The following DACH2 variants were observed in gnomAD, a reference collection of about 807,000 sequenced individuals.
The protein encoded by DACH2 is dachshund homolog 2.
Under a neutral mutation model 35.8 loss-of-function variants are expected in DACH2, and 17 were observed. The ratio of observed to expected loss-of-function variants is 0.48; its 90% CI spans 0.33 to 0.71. The LOEUF is 0.71. Ranked by LOEUF, DACH2 falls within the 30% of genes least tolerant of loss-of-function variation. The pLI is 0.02. For missense variants in DACH2, 469 were observed against 472.7 expected (o/e 0.99, Z 0.07); for synonymous variants, 195 against 177.3 (o/e 1.10, Z -0.79).
intron 2 of DACH2, among the ~76,000 whole-genome samples, chrX:86,436,267 T>C (rs976202806): frequency 1.8e-5 from 2 of 110,736 alleles, no homozygotes; most frequent in Non-Finnish European, 3.8e-5. Flanking sequence ...TCTTCAGTAG[T>C]GTTCCACATT....
intron 4 of DACH2, among the ~76,000 whole-genome samples, chrX:86,666,312 T>TGAGAGA (rs1556363112): frequency 1.2e-3 from 124 of 99,934 alleles, no homozygotes; most frequent in Middle Eastern, 5.3e-3. Context: ...TGTGTGTGTG[T>TGAGAGA]GAGAGAGAGA....
At chrX:86,780,025 AC>A (rs2042074466) in intron 7 of DACH2, among the ~76,000 whole-genome samples, 1 of 110,486 alleles carries the variant, frequency 9.1e-6, no homozygotes, top group Non-Finnish European at 1.9e-5. Context: ...GGAGTCTGAT[AC>A]CCATCCCCCA....
At chrX:86,783,640 A>G (rs1023491037) in intron 7 of DACH2, among the ~76,000 whole-genome samples, 1 of 112,250 alleles carries the variant, frequency 8.9e-6, no homozygotes, top group African/African-American at 3.2e-5. Flanking sequence ...GGAATTTATC[A>G]TTTTAAGTGA....
rs141684537 is a variant in DACH2 at position 86,188,467 on chromosome X, G to A, written c.488+39359G>A. Among the ~76,000 whole-genome samples the A allele has an allele frequency of 4.2e-3, 474 of 111,927 alleles. 1 individual carries two copies. Among genetic ancestry groups the A allele is most frequent in the Middle Eastern group, 0.023 (5 of 216 alleles). On this transcript the variant is annotated intron_variant, in intron 1 of 11. Transcript: ENST00000373125. ...TCAGTTGTTATCTTTAAAAAATGAT[G>A]TGCCCTGTGGTTGGCTCCTCAAAGT...
intron 3 of DACH2, among the ~76,000 whole-genome samples, chrX:86,533,743 G>C (rs1016157373): frequency 2.7e-5 from 3 of 111,477 alleles, no homozygotes; most frequent in Non-Finnish European, 5.6e-5. Flanking sequence ...AAAATAAGTT[G>C]ACCAATGATT....
At chrX:86,534,027 A>T (rs923459661) in intron 3 of DACH2, among the ~76,000 whole-genome samples, 2 of 112,513 alleles carry the variant, frequency 1.8e-5, no homozygotes, top group African/African-American at 6.5e-5. Context: ...AATTGGACTG[A>T]TAACTTAAGG....
chrX:86,641,104 AC>A (rs2148398053), intron 3 of DACH2, among the ~76,000 whole-genome samples: 1 of 112,099 alleles, frequency 8.9e-6, no homozygotes, highest in East Asian at 2.8e-4. Flanking sequence ...ACAAGGCAAA[AC>A]TGCCTGGAAT....
intron 11 of DACH2, among the ~76,000 whole-genome samples, chrX:86,818,925 A>G (rs2042479662): frequency 9.2e-6 from 1 of 109,058 alleles, no homozygotes; most frequent in Admixed American, 1.0e-4. Flanking sequence ...TTTTATGGTA[A>G]TTTCCACATG....
intron 2 of DACH2, among the ~76,000 whole-genome samples, chrX:86,379,890 A>C (rs1249605980): frequency 3.6e-5 from 4 of 110,794 alleles, no homozygotes; most frequent in Non-Finnish European, 7.6e-5. Context: ...TTTTGACCAC[A>C]AGTAATCTGT....
intron 1 of DACH2, among the ~76,000 whole-genome samples, chrX:86,232,583 G>A (rs186691247): frequency 2.0e-4 from 22 of 111,795 alleles, no homozygotes; most frequent in Admixed American, 1.4e-3. Flanking sequence ...GCCAACAAGC[G>A]TATGAAAAAA....
intron 7 of DACH2, among the ~76,000 whole-genome samples, chrX:86,759,279 A>G (rs936398585): frequency 4.5e-5 from 5 of 111,786 alleles, no homozygotes; most frequent in Admixed American, 1.9e-4. Flanking sequence ...TTTGCTTTAC[A>G]TATCTGGGTT....
intron 2 of DACH2, among the ~76,000 whole-genome samples, chrX:86,423,469 T>C (rs2036839787): frequency 9.0e-6 from 1 of 111,191 alleles, no homozygotes; most frequent in Non-Finnish European, 1.9e-5. Context: ...TTATGTCTTC[T>C]TTTGAGAAGT....
At chrX:86,404,027 A>G (rs372413957) in intron 2 of DACH2, among the ~76,000 whole-genome samples, 60 of 109,489 alleles carry the variant, frequency 5.5e-4, no homozygotes, top group African/African-American at 2.0e-3. Flanking sequence ...CTCACTCACT[A>G]TCATTAGAAC....
chrX:86,815,024 C>G (rs1200882404), intron 10 of DACH2, among the ~76,000 whole-genome samples, 190 bp downstream of exon 10: 1 of 111,760 alleles, frequency 8.9e-6, no homozygotes, highest in African/African-American at 3.3e-5. Context: ...TGAATTAAAT[C>G]CAGTCAAAAT....
At chrX:86,232,543 T>A (rs750282176) in intron 1 of DACH2, among the ~76,000 whole-genome samples, 6 of 111,752 alleles carry the variant, frequency 5.4e-5, no homozygotes, top group Non-Finnish European at 1.1e-4. Context: ...AGGACATGAA[T>A]GAACACTTTA....
intron 2 of DACH2, among the ~76,000 whole-genome samples, chrX:86,403,644 G>C (rs1202468478): frequency 8.9e-6 from 1 of 112,069 alleles, no homozygotes; most frequent in East Asian, 2.8e-4. Context: ...ATTTCTCAAA[G>C]AATTTAAATC....
chrX:86,657,247 T>C (rs1304630312), intron 4 of DACH2, among the ~76,000 whole-genome samples: 2 of 110,534 alleles, frequency 1.8e-5, no homozygotes, highest in Non-Finnish European at 3.8e-5. Context: ...TGTAATTGGA[T>C]TGTATTCTTT....
At chrX:86,548,403 C>G (rs1440629360) in intron 3 of DACH2, among the ~76,000 whole-genome samples, 3 of 111,948 alleles carry the variant, frequency 2.7e-5, no homozygotes, top group Admixed American at 9.5e-5. Context: ...AATAGAATTA[C>G]AGACATTTAA....
At chrX:86,648,890 A>T (rs1445661674) in intron 3 of DACH2, among the ~76,000 whole-genome samples, 1 of 111,407 alleles carries the variant, frequency 9.0e-6, no homozygotes, top group African/African-American at 3.2e-5. Context: ...AAGGAGCTAT[A>T]TAAAAGACAA....
Sources: allele counts gnomAD v4.1 joint callset (sites outside exome capture counted in the v4.1 genomes callset), GRCh38; gene constraint gnomAD v4.1.1; transcripts MANE v1.5; gene names NCBI Gene and HGNC (gene_info 2026-07-23, HGNC 2026-07-21).